ATP6V0A4: variants seen among roughly 807,000 people sequenced by gnomAD.
ATP6V0A4 encodes V-type proton ATPase 116 kDa subunit a 4.
In ATP6V0A4, 86 loss-of-function variants were observed where a neutral mutation model predicts 107.3. That is an observed-to-expected ratio of 0.80 (90% confidence interval 0.67 to 0.96). The LOEUF (loss-of-function observed/expected upper bound fraction) is 0.96. ATP6V0A4 is among the 40% of genes least tolerant of loss of function. The pLI is 0.00. For missense variants in ATP6V0A4, 908 were observed against 1,045.6 expected (o/e 0.87, Z 1.81); for synonymous variants, 353 against 381.4 (o/e 0.93, Z 0.87).
intron 2 of ATP6V0A4, among the ~76,000 whole-genome samples, chr7:138,778,013 A>G (rs888511233): frequency 4.6e-5 from 7 of 152,186 alleles, no homozygotes; most frequent in Non-Finnish European, 8.8e-5. Flanking sequence ...CACACAACAC[A>G]TATTTCATTC....
At chr7:138,727,330 T>C (rs1251442693) in intron 18 of ATP6V0A4, among the ~76,000 whole-genome samples, 2 of 152,000 alleles carry the variant, frequency 1.3e-5, no homozygotes, top group Non-Finnish European at 2.9e-5. Flanking sequence ...CATCTACTTC[T>C]CCAAACAGGT....
rs571399338 is a variant in ATP6V0A4, at chr7:138,749,294, G to A, written c.1053C>T (p.Ala351=). 2.5e-6 allele frequency: 4 copies of A among 1,613,440 alleles called. No homozygotes were observed. Among genetic ancestry groups the A allele is most frequent in the Non-Finnish European group, 3.4e-6 (4 of 1,179,914 alleles). ...QGMELSGSSM[A]PIMTTVQSKT... is the part of the protein sequence containing the mutation. ...TAGATTGCACTGTGGTCATGATGGG[G>A]GCCATGGAGGAGCCACTTAGTTCCT... The change falls in exon 12 of 22, where the codon GCC becomes GCT. Residue 351 remains alanine (A), a synonymous_variant. Transcript: ENST00000310018.
At chr7:138,770,745 T>C (rs1266169285) in intron 3 of ATP6V0A4, among the ~76,000 whole-genome samples, 1 of 152,224 alleles carries the variant, frequency 6.6e-6, no homozygotes, top group Non-Finnish European at 1.5e-5. Flanking sequence ...ATACTTTGTC[T>C]TCAGCCTGTC....
chr7:138,777,541 G>C (rs1349640606), intron 2 of ATP6V0A4, among the ~76,000 whole-genome samples: 1 of 150,998 alleles, frequency 6.6e-6, no homozygotes, highest in Non-Finnish European at 1.5e-5. Flanking sequence ...GCTGAACCCG[G>C]AAGGAGGAGG....
intron 4 of ATP6V0A4, 47 bp downstream of exon 4, chr7:138,769,126 C>G: frequency 1.4e-5 from 23 of 1,590,926 alleles, no homozygotes; most frequent in Non-Finnish European, 2.0e-5. Flanking sequence ...ACCCCCTTGC[C>G]AGTTCACATT....
At chr7:138,758,824 C>G (rs1244274857) in intron 8 of ATP6V0A4, among the ~76,000 whole-genome samples, 4 of 133,722 alleles carry the variant, frequency 3.0e-5, no homozygotes, top group Non-Finnish European at 6.1e-5. Context: ...AATCTCAGCT[C>G]ACTGCAACCT....
At chr7:138,762,792 G>C (rs949219931) in intron 6 of ATP6V0A4, 108 bp downstream of exon 6, 42 of 1,318,756 alleles carry the variant, frequency 3.2e-5, no homozygotes, top group African/African-American at 5.8e-5. Flanking sequence ...CCTAGCCATG[G>C]AACAGAAACA....
chr7:138,718,398 G>A (rs1195917769), intron 19 of ATP6V0A4, among the ~76,000 whole-genome samples: 4 of 110,920 alleles, frequency 3.6e-5, no homozygotes, highest in Middle Eastern at 7.5e-3. Flanking sequence ...GGAGGGAGAC[G>A]TCCAGGAAGG....
chr7:138,755,885 C>T, intron 9 of ATP6V0A4, 103 bp from the exon 10 acceptor site: 1 of 1,540,996 alleles, frequency 6.5e-7, no homozygotes, highest in Non-Finnish European at 8.7e-7. Context: ...AGTTAGATGG[C>T]CAGCCTATCC....
intron 7 of ATP6V0A4, among the ~76,000 whole-genome samples, chr7:138,761,714 C>G (rs999473487): frequency 5.3e-5 from 8 of 152,020 alleles, no homozygotes; most frequent in African/African-American, 1.9e-4. Context: ...GAGTCTTGCT[C>G]TGTCGCCCAG....
intron 1 of ATP6V0A4, among the ~76,000 whole-genome samples, chr7:138,786,677 A>C (rs1321571704): frequency 6.6e-6 from 1 of 151,850 alleles, no homozygotes; most frequent in Non-Finnish European, 1.5e-5. Flanking sequence ...ACAGATTGAG[A>C]GAGAGAGATT....
At chr7:138,745,507 C>T (rs1374579529) in intron 13 of ATP6V0A4, among the ~76,000 whole-genome samples, 3 of 151,664 alleles carry the variant, frequency 2.0e-5, no homozygotes, top group Admixed American at 6.6e-5. Context: ...TATCATGAAA[C>T]AAAAACCATA....
At chr7:138,770,601 T>C (rs1807332875) in intron 3 of ATP6V0A4, among the ~76,000 whole-genome samples, 1 of 152,148 alleles carries the variant, frequency 6.6e-6, no homozygotes, top group African/African-American at 2.4e-5. Flanking sequence ...TTTTCTCAAT[T>C]AGACTACGAA....
chr7:138,771,078 T>A lies in ATP6V0A4; in HGVS notation c.117+53A>T, dbSNP rs994478038. On this transcript the variant is annotated intron_variant, in intron 3 of 21. Coordinates refer to ENST00000310018, the MANE Select transcript of ATP6V0A4 (RefSeq NM_020632.3). ...ACCATAAAGAAGTGTTGTGCAAGAG[T>A]TATCTACTCCCACCCCTGCCTTCCT... 10 of 1,519,508 alleles carry A rather than the reference T, an allele frequency of 6.6e-6. No homozygotes were observed. The African/African-American group carries it at 1.4e-4, about 21-fold the overall frequency. The allele number at this position is 1,519,508 out of a possible 1,614,324, so 94.1% of individuals were successfully genotyped here.
At chr7:138,775,932 G>A (rs944738296) in intron 2 of ATP6V0A4, among the ~76,000 whole-genome samples, 1 of 152,292 alleles carries the variant, frequency 6.6e-6, no homozygotes, top group East Asian at 1.9e-4. Flanking sequence ...TTACAGGCGT[G>A]AGCCACCGTG....
intron 2 of ATP6V0A4, among the ~76,000 whole-genome samples, chr7:138,778,204 T>A (rs968457578): frequency 6.6e-5 from 10 of 152,080 alleles, no homozygotes; most frequent in Non-Finnish European, 2.9e-5. Flanking sequence ...TGAAACACCA[T>A]CTTTACTAAA....
intron 14 of ATP6V0A4, among the ~76,000 whole-genome samples, chr7:138,744,160 G>A (rs1033207968): frequency 9.9e-5 from 15 of 151,676 alleles, no homozygotes; most frequent in African/African-American, 3.2e-4. Context: ...CTTACCAGGT[G>A]TCCCCTGCCC....
intron 14 of ATP6V0A4, among the ~76,000 whole-genome samples, chr7:138,740,364 T>C (rs1175759174): frequency 6.6e-6 from 1 of 151,876 alleles, no homozygotes; most frequent in Non-Finnish European, 1.5e-5. Context: ...GCCCATTGTA[T>C]GTCTTTAAAT....
chr7:138,758,162 A>C (rs957273475), intron 8 of ATP6V0A4, among the ~76,000 whole-genome samples: 19 of 152,208 alleles, frequency 1.2e-4, no homozygotes, highest in Non-Finnish European at 2.4e-4. Context: ...GATTATAAAA[A>C]GTGATGATTT....
Sources: gnomAD v4.1 joint callset for allele counts (sites outside exome capture counted in the v4.1 genomes callset) on GRCh38, gnomAD v4.1.1 for gene constraint, MANE v1.5 for transcripts, NCBI Gene and HGNC (gene_info 2026-07-23, HGNC 2026-07-21) for gene names.